MACROD2: variants seen among roughly 807,000 people sequenced by gnomAD.
MACROD2 encodes the protein ADP-ribose glycohydrolase MACROD2.
A neutral mutation model predicts 70.4 loss-of-function variants in MACROD2; 36 were observed. The observed-to-expected ratio is 0.51, with a 90% CI of 0.39 to 0.68. The LOEUF (loss-of-function observed/expected upper bound fraction) is 0.68. MACROD2 is among the 30% of genes least tolerant of loss of function. The probability of loss-of-function intolerance (pLI) is 0.00; values close to 1 mark genes in which losing one functional copy is unlikely to be tolerated. For synonymous variants in MACROD2, 172 were observed against 178.8 expected, an observed-to-expected ratio of 0.96 and a Z score of 0.30; for missense variants, 496 against 538.4, an observed-to-expected ratio of 0.92 and a Z score of 0.78.
chr20:14,951,437 T>C (rs2074475454), intron 5 of MACROD2, among the ~76,000 whole-genome samples: 1 of 152,092 alleles, frequency 6.6e-6, no homozygotes, highest in Non-Finnish European at 1.5e-5. Flanking sequence ...CTCAGAGCAC[T>C]CTATTGAGAA....
intron 6 of MACROD2, among the ~76,000 whole-genome samples, chr20:15,295,421 T>A (rs1311011980): frequency 6.6e-6 from 1 of 152,152 alleles, no homozygotes; most frequent in Non-Finnish European, 1.5e-5. Context: ...GCACAGTCTG[T>A]TGAGATGAGA....
At chr20:15,996,809 CT>C (rs2066638756) in intron 15 of MACROD2, among the ~76,000 whole-genome samples, 1 of 151,944 alleles carries the variant, frequency 6.6e-6, no homozygotes, top group Admixed American at 6.6e-5. Context: ...TTTCCTATGT[CT>C]TTTATGTGAG....
intron 3 of MACROD2, among the ~76,000 whole-genome samples, chr20:14,206,079 A>G (rs572852136): frequency 6.6e-6 from 1 of 152,250 alleles, no homozygotes; most frequent in South Asian, 2.1e-4. Context: ...TTGTCCCCCT[A>G]GGGGATTTAG....
chr20:15,709,082 T>C (rs1355021896), intron 8 of MACROD2, among the ~76,000 whole-genome samples: 1 of 152,096 alleles, frequency 6.6e-6, no homozygotes, highest in East Asian at 1.9e-4. Context: ...GAGGAGTGGA[T>C]AGGTATTACA....
At chr20:15,997,631 A>C (rs906488099) in intron 15 of MACROD2, among the ~76,000 whole-genome samples, 2 of 152,162 alleles carry the variant, frequency 1.3e-5, no homozygotes, top group Non-Finnish European at 2.9e-5. Flanking sequence ...TATGTCATCT[A>C]TAAACAGAGA....
chr20:15,541,470 C>T (rs2047954761), intron 8 of MACROD2, among the ~76,000 whole-genome samples: 2 of 152,064 alleles, frequency 1.3e-5, no homozygotes, highest in Admixed American at 1.3e-4. Flanking sequence ...GATTAACAGG[C>T]AAGCAGGCCA....
chr20:15,734,160 T>A (rs2050986284), intron 8 of MACROD2, among the ~76,000 whole-genome samples: 1 of 152,196 alleles, frequency 6.6e-6, no homozygotes, highest in African/African-American at 2.4e-5. Flanking sequence ...AGGATACGGA[T>A]GTCAGTACCC....
intron 8 of MACROD2, among the ~76,000 whole-genome samples, chr20:15,518,486 T>A (rs1362513): frequency 0.06 from 9,143 of 152,326 alleles, 287 homozygotes; most frequent in Middle Eastern, 0.075. Flanking sequence ...GCCAAATTAT[T>A]TTCCAGTGAG....
intron 5 of MACROD2, among the ~76,000 whole-genome samples, chr20:15,106,283 C>T (rs929003998): frequency 2.0e-5 from 3 of 151,878 alleles, no homozygotes; most frequent in African/African-American, 7.3e-5. Context: ...TGCCGTAAGC[C>T]TAGTGGCATC....
chr20:15,426,564 T>C (rs2046301041), intron 6 of MACROD2, among the ~76,000 whole-genome samples: 1 of 152,116 alleles, frequency 6.6e-6, no homozygotes, highest in Non-Finnish European at 1.5e-5. Flanking sequence ...CAGGCTGGTC[T>C]CTAACTCCTG....
intron 5 of MACROD2, among the ~76,000 whole-genome samples, chr20:14,799,121 A>T (rs2044096394): frequency 6.6e-6 from 1 of 152,042 alleles, no homozygotes; most frequent in African/African-American, 2.4e-5. Flanking sequence ...GCCCTTGTAG[A>T]ATTATAAAAA....
chr20:14,909,205 C>A (rs1217097257), intron 5 of MACROD2, among the ~76,000 whole-genome samples: 1 of 152,106 alleles, frequency 6.6e-6, no homozygotes, highest in African/African-American at 2.4e-5. Context: ...CCTTAACTCT[C>A]TTGTTAACTA....
intron 5 of MACROD2, among the ~76,000 whole-genome samples, chr20:15,029,560 A>G (rs1600972580): frequency 2.0e-5 from 3 of 152,250 alleles, no homozygotes; most frequent in Admixed American, 2.0e-4. Flanking sequence ...CCACTGAGGA[A>G]AGAGTTTCAC....
At chr20:14,657,850 A>G (rs1047463677) in intron 4 of MACROD2, among the ~76,000 whole-genome samples, 2 of 152,178 alleles carry the variant, frequency 1.3e-5, no homozygotes, top group African/African-American at 4.8e-5. Context: ...ATTGGCCTGT[A>G]AGAACTTGCT....
intron 3 of MACROD2, among the ~76,000 whole-genome samples, chr20:14,283,549 A>G (rs192416203): frequency 6.6e-6 from 1 of 152,376 alleles, no homozygotes; most frequent in Non-Finnish European, 1.5e-5. Context: ...AAGATATGCT[A>G]GAGATTAATT....
At chr20:14,929,724 G>A (rs995818369) in intron 5 of MACROD2, among the ~76,000 whole-genome samples, 2 of 151,912 alleles carry the variant, frequency 1.3e-5, no homozygotes, top group Non-Finnish European at 2.9e-5. Flanking sequence ...CCTTATTAAC[G>A]TAAACTCGGG....
intron 6 of MACROD2, among the ~76,000 whole-genome samples, chr20:15,230,689 T>A (rs1021071104): frequency 5.3e-5 from 8 of 152,250 alleles, no homozygotes; most frequent in African/African-American, 1.4e-4. Flanking sequence ...AAAATGTGGA[T>A]CTAATCTATT....
chr20:14,670,309 CA>C (rs905600198), intron 4 of MACROD2, among the ~76,000 whole-genome samples: 20 of 152,194 alleles, frequency 1.3e-4, no homozygotes, highest in African/African-American at 4.3e-4. Context: ...TGAGTAAATT[CA>C]GCCTCATTGT....
intron 5 of MACROD2, among the ~76,000 whole-genome samples, chr20:14,958,395 T>A (rs2074555688): frequency 6.6e-6 from 1 of 152,180 alleles, no homozygotes; most frequent in African/African-American, 2.4e-5. Flanking sequence ...CCGTTCAGAT[T>A]TCTTCTTCTT....
Sources: allele counts gnomAD v4.1 joint callset (sites outside exome capture counted in the v4.1 genomes callset), GRCh38; gene constraint gnomAD v4.1.1; transcripts MANE v1.5; gene names NCBI Gene and HGNC (gene_info 2026-07-23, HGNC 2026-07-21).